The following NCAM1 variants were observed in gnomAD, a reference collection of about 807,000 sequenced individuals.
NCAM1 encodes neural cell adhesion molecule 1.
In NCAM1, 14 loss-of-function variants were observed where a neutral mutation model predicts 109.8. The ratio of observed to expected loss-of-function variants is 0.13; its 90% CI spans 0.08 to 0.20. The LOEUF (loss-of-function observed/expected upper bound fraction) is 0.20, where lower values mean the gene tolerates loss of function less well. NCAM1 is among the 10% of genes least tolerant of loss of function. NCAM1 has a pLI of 1.00. For synonymous variants in NCAM1, 418 were observed against 442.9 expected (o/e 0.94, Z 0.70); for missense variants, 774 against 1,109.9 (o/e 0.70, Z 4.30).
chr11:113,036,574 C>T (rs1952895691), intron 1 of NCAM1, among the ~76,000 whole-genome samples: 1 of 152,126 alleles, frequency 6.6e-6, no homozygotes, highest in Non-Finnish European at 1.5e-5. Flanking sequence ...TCATTGTCTA[C>T]TCCCAGGTCC....
At chr11:113,194,538 C>T (rs1336579619) in intron 1 of NCAM1, among the ~76,000 whole-genome samples, 1 of 152,164 alleles carries the variant, frequency 6.6e-6, no homozygotes, top group Non-Finnish European at 1.5e-5. Flanking sequence ...CAAGGGTCTC[C>T]TTCAAGTGCA....
At chr11:113,194,489 G>A (rs1303579627) in intron 1 of NCAM1, among the ~76,000 whole-genome samples, 1 of 152,182 alleles carries the variant, frequency 6.6e-6, no homozygotes, top group Non-Finnish European at 1.5e-5. Flanking sequence ...AAAAATGATA[G>A]ATTTTGGAAA....
intron 1 of NCAM1, among the ~76,000 whole-genome samples, chr11:113,187,029 T>C (rs1943528269): frequency 6.6e-6 from 1 of 152,244 alleles, no homozygotes; most frequent in Non-Finnish European, 1.5e-5. Context: ...TAGCTCCCTT[T>C]CTTGACTAAT....
At chr11:113,055,292 T>C (rs1953653165) in intron 1 of NCAM1, among the ~76,000 whole-genome samples, 1 of 152,126 alleles carries the variant, frequency 6.6e-6, no homozygotes, top group Non-Finnish European at 1.5e-5. Context: ...ATAAAATGGA[T>C]GGAAAATAAA....
At chr11:112,984,328 T>C (rs1316089226) in intron 1 of NCAM1, among the ~76,000 whole-genome samples, 1 of 151,954 alleles carries the variant, frequency 6.6e-6, no homozygotes, top group East Asian at 1.9e-4. Context: ...AACTTGGCTA[T>C]TGTGAATAAT....
At chr11:112,977,502 A>G (rs1240054262) in intron 1 of NCAM1, 1 of 151,848 alleles carries the variant, frequency 6.6e-6, no homozygotes, top group Non-Finnish European at 1.5e-5. Flanking sequence ...ATCATTCACT[A>G]TTTAAAAATG....
At chr11:113,043,957 TC>T (rs1953172008) in intron 1 of NCAM1, among the ~76,000 whole-genome samples, 1 of 151,844 alleles carries the variant, frequency 6.6e-6, no homozygotes, top group Admixed American at 6.6e-5. Flanking sequence ...TTTTTTTTTT[TC>T]GATTACACAG....
intron 1 of NCAM1, among the ~76,000 whole-genome samples, chr11:113,001,261 T>G (rs781989988): frequency 2.0e-5 from 3 of 152,148 alleles, no homozygotes; most frequent in African/African-American, 2.4e-5. Context: ...TGTGGGCTTT[T>G]GAATAGCCAG....
At chr11:113,231,404 G>C (rs1480887414) in intron 9 of NCAM1, 1 of 1,102,274 alleles carries the variant, frequency 9.1e-7, no homozygotes, top group East Asian at 2.6e-5. Flanking sequence ...CAGGCTGCCT[G>C]ACATAACTGA....
At chr11:113,229,762 G>T (rs185007187) in intron 9 of NCAM1, among the ~76,000 whole-genome samples, 1 of 152,194 alleles carries the variant, frequency 6.6e-6, no homozygotes, top group Non-Finnish European at 1.5e-5. Context: ...CATATAAAAG[G>T]ATGAGTTTAT....
At chr11:113,121,149 G>A (rs1250967100) in intron 1 of NCAM1, among the ~76,000 whole-genome samples, 1 of 151,962 alleles carries the variant, frequency 6.6e-6, no homozygotes, top group African/African-American at 2.4e-5. Flanking sequence ...GAGGATTAGG[G>A]GGGTGGCCTC....
chr11:113,039,821 TATC>T (rs1224294632), intron 1 of NCAM1, among the ~76,000 whole-genome samples: 1 of 152,174 alleles, frequency 6.6e-6, no homozygotes, highest in African/African-American at 2.4e-5. Context: ...TCAAAAGTAT[TATC>T]ATTTCAACAT....
At chr11:112,972,289 T>C (rs1950905339) in intron 1 of NCAM1, among the ~76,000 whole-genome samples, 1 of 152,170 alleles carries the variant, frequency 6.6e-6, no homozygotes. Flanking sequence ...TCTATATTTT[T>C]ATATGTTCAG....
At position 113,259,279 on chromosome 11, in the gene NCAM1, C is replaced by T. The variant is rs548854399; in HGVS notation, c.1954-867C>T. ...TTTTAGCCGGGATGGTCTCGATCTCCTGACCTCGTGATCCGCCCGCCTCGG... is the reference window on the plus strand; with the variant it reads ...TTTTAGCCGGGATGGTCTCGATCTCTTGACCTCGTGATCCGCCCGCCTCGG... On this transcript the variant is annotated intron_variant, in intron 16 of 19. Transcript: ENST00000316851. Among the ~76,000 whole-genome samples the T allele has an allele frequency of 3.1e-3, 476 of 151,950 alleles. 4 individuals carry two copies. The highest frequency in any genetic ancestry group is 0.011 in the African/African-American group (458 of 41,452).
chr11:113,247,223 T>C (rs1945523950), intron 15 of NCAM1, among the ~76,000 whole-genome samples: 1 of 152,302 alleles, frequency 6.6e-6, no homozygotes, highest in Non-Finnish European at 1.5e-5. Flanking sequence ...CTCACTCAAA[T>C]CAAACACCTA....
intron 1 of NCAM1, among the ~76,000 whole-genome samples, chr11:113,142,169 T>C (rs918789776): frequency 6.6e-6 from 1 of 152,126 alleles, no homozygotes; most frequent in Non-Finnish European, 1.5e-5. Flanking sequence ...GTTATTTCAT[T>C]TGTTTCTCAT....
intron 15 of NCAM1, among the ~76,000 whole-genome samples, chr11:113,248,380 G>A (rs1555120668): frequency 6.6e-6 from 1 of 152,176 alleles, no homozygotes; most frequent in Non-Finnish European, 1.5e-5. Flanking sequence ...CCCGCACGCA[G>A]CAGGAATTGT....
At chr11:113,014,125 G>A (rs1952147541) in intron 1 of NCAM1, among the ~76,000 whole-genome samples, 1 of 151,976 alleles carries the variant, frequency 6.6e-6, no homozygotes, top group Non-Finnish European at 1.5e-5. Context: ...TCAGATAAAT[G>A]GTATACTACA....
chr11:112,964,143 T>TG (rs1950657842), intron 1 of NCAM1, among the ~76,000 whole-genome samples: 1 of 45,378 alleles, frequency 2.2e-5, no homozygotes, highest in Non-Finnish European at 4.0e-5. Context: ...TTTTTTTGTT[T>TG]TTTTTTTTTT....
Sources: allele counts gnomAD v4.1 joint callset (sites outside exome capture counted in the v4.1 genomes callset), GRCh38; gene constraint gnomAD v4.1.1; transcripts MANE v1.5; gene names NCBI Gene and HGNC (gene_info 2026-07-23, HGNC 2026-07-21).